The following RRAGD variants were observed in gnomAD, a reference collection of about 807,000 sequenced individuals.
RRAGD encodes the protein ras-related GTP-binding protein D.
A neutral mutation model predicts 35.5 loss-of-function variants in RRAGD; 12 were observed. The ratio of observed to expected loss-of-function variants is 0.34; its 90% CI spans 0.22 to 0.55. RRAGD has a LOEUF of 0.55. Among genes scored for constraint, RRAGD ranks in the 20% least tolerant of loss-of-function variants. The pLI is 0.91. For synonymous variants in RRAGD, 155 were observed against 178.9 expected (o/e 0.87, Z 1.07); for missense variants, 324 against 490.1 (o/e 0.66, Z 3.20).
chr6:89,382,425 A>AT (rs1554203631), intron 2 of RRAGD, among the ~76,000 whole-genome samples: 4 of 146,956 alleles, frequency 2.7e-5, no homozygotes, highest in Admixed American at 6.8e-5. Context: ...ATATATATGT[A>AT]ATTAACCAGA....
At chr6:89,382,017 C>CA (rs35643719) in intron 2 of RRAGD, among the ~76,000 whole-genome samples, 11,355 of 125,252 alleles carry the variant, frequency 0.091, 1,026 homozygotes, top group East Asian at 0.29. Flanking sequence ...GTTTTTATGG[C>CA]AAAAAAAAAA....
chr6:89,400,042 AC>A (rs1393595772), intron 1 of RRAGD, among the ~76,000 whole-genome samples: 1 of 152,070 alleles, frequency 6.6e-6, no homozygotes, highest in Non-Finnish European at 1.5e-5. Flanking sequence ...AACCTTCACC[AC>A]CAATCAGCTC....
intron 1 of RRAGD, among the ~76,000 whole-genome samples, chr6:89,409,252 T>TA (rs1439033752): frequency 3.3e-5 from 5 of 152,178 alleles, no homozygotes; most frequent in African/African-American, 1.2e-4. Context: ...CTTGCACAGC[T>TA]CCTGATAAAT....
intron 1 of RRAGD, among the ~76,000 whole-genome samples, chr6:89,393,420 T>A (rs982837140): frequency 1.3e-5 from 2 of 152,166 alleles, no homozygotes; most frequent in African/African-American, 4.8e-5. Context: ...ATAAACTCTG[T>A]GCACCATGGC....
At chr6:89,402,037 G>GTTTTTTTTTTT (rs1194197994) in intron 1 of RRAGD, among the ~76,000 whole-genome samples, 6 of 52,314 alleles carry the variant, frequency 1.1e-4, no homozygotes, top group South Asian at 6.9e-4. Flanking sequence ...AAATCCTAAG[G>GTTTTTTTTTTT]ATTTTTTTTT....
chr6:89,405,372 A>G (rs966152814), intron 1 of RRAGD, among the ~76,000 whole-genome samples: 7 of 151,548 alleles, frequency 4.6e-5, no homozygotes, highest in African/African-American at 1.7e-4. Flanking sequence ...AAAAAAAAAA[A>G]AAAGAGATAA....
chr6:89,379,793 G>A (rs1394293027), intron 3 of RRAGD, among the ~76,000 whole-genome samples: 1 of 152,190 alleles, frequency 6.6e-6, no homozygotes, highest in East Asian at 1.9e-4. Flanking sequence ...TCCTTTGTGA[G>A]GATTCCTATT....
intron 1 of RRAGD, among the ~76,000 whole-genome samples, chr6:89,410,193 A>T (rs2127900435): frequency 6.6e-6 from 1 of 152,300 alleles, no homozygotes; most frequent in African/African-American, 2.4e-5. Context: ...GGGGTCCAGT[A>T]CTTTTTCTGG....
chr6:89,368,034 A>G lies in RRAGD; in HGVS notation c.*22T>C. ...GCCTCATGGATAAGGTCTGATTTCA[A>G]AAGACATTCCTGAAACCTCACCTAC... On this transcript the variant is annotated 3_prime_UTR_variant, in exon 7 of 7. Transcript: ENST00000369415. 1.3e-6 allele frequency: 2 copies of G among 1,574,968 alleles called. No individual in the cohort carries two copies. Among genetic ancestry groups the G allele is most frequent in the Non-Finnish European group, 8.6e-7 (1 of 1,161,384 alleles).
chr6:89,372,173 C>G (rs1430821006), intron 6 of RRAGD, among the ~76,000 whole-genome samples: 1 of 152,214 alleles, frequency 6.6e-6, no homozygotes, highest in Non-Finnish European at 1.5e-5. Context: ...GATGCCAAGG[C>G]CCCTGGGAGG....
chr6:89,379,352 C>T lies in RRAGD; in HGVS notation c.645-14G>A, dbSNP rs73752750. On this transcript the variant is annotated splice_polypyrimidine_tract_variant and intron_variant, in intron 3 of 6. Coordinates refer to ENST00000369415, the MANE Select transcript of RRAGD (RefSeq NM_021244.5). ...GTCAGATAAAAGCTGAAAGAGGAAA[C>T]GGTATTTCATCATGTTTTCCCTTTG... is the stretch of plus-strand genomic sequence containing the variant. 39,652 of 1,363,030 alleles carry T rather than the reference C, an allele frequency of 0.029. 4,079 individuals are homozygous for T. The East Asian group carries it at 0.32, about 11-fold the overall frequency. 84.4% of individuals were successfully genotyped at this position (1,363,030 alleles called of 1,614,324 possible).
intron 5 of RRAGD, among the ~76,000 whole-genome samples, 176 bp downstream of exon 5, chr6:89,377,495 C>T (rs149526111): frequency 2.0e-5 from 3 of 152,182 alleles, no homozygotes; most frequent in East Asian, 1.9e-4. Flanking sequence ...TAGCATAATG[C>T]GTGGCATTTG....
intron 2 of RRAGD, among the ~76,000 whole-genome samples, chr6:89,383,333 C>A (rs1456505146): frequency 6.6e-6 from 1 of 152,106 alleles, no homozygotes; most frequent in Non-Finnish European, 1.5e-5. Context: ...AACCTCCCTG[C>A]CAAGCATATA....
chr6:89,372,039 C>A (rs899985873), intron 6 of RRAGD, among the ~76,000 whole-genome samples: 1 of 152,206 alleles, frequency 6.6e-6, no homozygotes, highest in African/African-American at 2.4e-5. Flanking sequence ...TTACCTAAGA[C>A]CTTCTAGAGG....
intron 2 of RRAGD, among the ~76,000 whole-genome samples, chr6:89,382,807 C>T (rs949008236): frequency 3.3e-5 from 5 of 151,640 alleles, no homozygotes; most frequent in Admixed American, 1.3e-4. Context: ...ACCTGGGAGG[C>T]GGAGGTTGCA....
intron 1 of RRAGD, among the ~76,000 whole-genome samples, chr6:89,403,829 G>T (rs1266343697): frequency 6.6e-6 from 1 of 151,532 alleles, no homozygotes; most frequent in Non-Finnish European, 1.5e-5. Context: ...TTTTTGTTGG[G>T]GGATGGTGGT....
At position 89,372,204 on chromosome 6, in the gene RRAGD, C is replaced by A. The variant is rs376515256; in HGVS notation, c.1051+233G>T. On this transcript the variant is annotated intron_variant, in intron 6 of 6. Transcript: ENST00000369415. ...GGAGGATCATGGGGTTCCACTTCCA[C>A]CTCGCTGCAATCGCAGATGCACCAC... Among the ~76,000 whole-genome samples, 6 of 152,332 alleles carry A rather than the reference C, an allele frequency of 3.9e-5. No homozygotes were observed. In the East Asian group the frequency reaches 7.7e-4, roughly 20 times the overall value.
intron 2 of RRAGD, among the ~76,000 whole-genome samples, chr6:89,381,949 C>T (rs537671868): frequency 6.1e-4 from 92 of 151,962 alleles, no homozygotes; most frequent in African/African-American, 1.8e-3. Context: ...CAGACCCTCA[C>T]CAACAATTGG....
chr6:89,401,137 G>C (rs1769451979), intron 1 of RRAGD, among the ~76,000 whole-genome samples: 1 of 152,194 alleles, frequency 6.6e-6, no homozygotes, highest in South Asian at 2.1e-4. Context: ...AGGAGGCATG[G>C]AACAGATGAA....
Sources: gnomAD v4.1 joint callset for allele counts (sites outside exome capture counted in the v4.1 genomes callset) on GRCh38, gnomAD v4.1.1 for gene constraint, MANE v1.5 for transcripts, NCBI Gene and HGNC (gene_info 2026-07-23, HGNC 2026-07-21) for gene names.